Variants in ITPR1 observed in about 807,000 individuals in gnomAD.
ITPR1 encodes the protein inositol 1,4,5-trisphosphate-gated calcium channel ITPR1.
Under a neutral mutation model 318.4 loss-of-function variants are expected in ITPR1, and 96 were observed. That is an observed-to-expected ratio of 0.30 (90% confidence interval 0.26 to 0.36). The LOEUF is 0.36. Among genes scored for constraint, ITPR1 ranks in the 10% least tolerant of loss-of-function variants. ITPR1 has a pLI of 1.00. For missense variants in ITPR1, 2,440 were observed against 3,460.2 expected (o/e 0.71, Z 7.40); for synonymous variants, 1,312 against 1,289.9 (o/e 1.02, Z -0.37).
chr3:4,840,029 C>CTTTTTTTTTTTTT (rs56096727), intron 61 of ITPR1, among the ~76,000 whole-genome samples: 7 of 104,902 alleles, frequency 6.7e-5, no homozygotes, highest in African/African-American at 1.6e-4. Context: ...AGCATAGCTG[C>CTTTTTTTTTTTTT]TTTTTTTTTT....
At chr3:4,544,216 T>A (rs2084745337) in intron 4 of ITPR1, among the ~76,000 whole-genome samples, 1 of 152,224 alleles carries the variant, frequency 6.6e-6, no homozygotes, top group African/African-American at 2.4e-5. Flanking sequence ...CACCATGTGG[T>A]GGAAATTGTT....
chr3:4,827,854 C>T (rs1348046447), intron 60 of ITPR1, among the ~76,000 whole-genome samples: 3 of 152,114 alleles, frequency 2.0e-5, no homozygotes, highest in African/African-American at 7.2e-5. Context: ...TCTCTTTCCC[C>T]CTAAAGAGAT....
chr3:4,653,194 G>A (rs909812019), intron 11 of ITPR1, among the ~76,000 whole-genome samples: 7 of 152,090 alleles, frequency 4.6e-5, no homozygotes, highest in African/African-American at 1.2e-4. Context: ...CTGTTGTCTG[G>A]GACCACCCAT....
Position 4,667,389 on chromosome 3 carries a change from A to G in ITPR1, c.1726A>G (p.Lys576Glu). The G allele has an allele frequency of 1.2e-6, 2 of 1,608,944 alleles. No homozygotes were observed. Among genetic ancestry groups the G allele is most frequent in the Non-Finnish European group, 1.7e-6 (2 of 1,177,372 alleles). ...TCTCCTTATAAAGGAGTATATAGCC[A>G]AGCAGTTTGGCTTCATGCAGAAGCA... is the stretch of plus-strand genomic sequence containing the variant. ...DYRKNQEYIA[K>E]QFGFMQKQIG... is the part of the protein sequence containing the mutation. Residue 576 changes from lysine to glutamate, a missense_variant, in exon 18 of 62, where the codon AAG becomes GAG. By Grantham distance (56) the Lys-to-Glu change is moderately conservative (BLOSUM62 1). Transcript: ENST00000649015.
In ITPR1 at chr3:4,588,952, C is replaced by T. The variant is rs1288929542; in HGVS notation, c.164-38811C>T. ...CTACTTCTCACCACCTAGTCTACAGCCCTCATTCTGCTCTAAACCGTCATT... is the reference window on the plus strand; with the variant it reads ...CTACTTCTCACCACCTAGTCTACAGTCCTCATTCTGCTCTAAACCGTCATT... On this transcript the variant is annotated intron_variant, in intron 4 of 61. Coordinates refer to ENST00000649015, the MANE Select transcript of ITPR1 (RefSeq NM_001378452.1). Among the ~76,000 whole-genome samples, 4 of 152,260 alleles carry T rather than the reference C, an allele frequency of 2.6e-5. No individual in the cohort carries two copies. The East Asian group carries it at 5.8e-4, about 22-fold the overall frequency.
At chr3:4,505,445 G>A (rs1246073785) in intron 2 of ITPR1, among the ~76,000 whole-genome samples, 1 of 152,174 alleles carries the variant, frequency 6.6e-6, no homozygotes, top group Admixed American at 6.5e-5. Context: ...CACCCACCTT[G>A]GCCTCCCAAA....
At chr3:4,653,143 A>C (rs916741904) in intron 11 of ITPR1, among the ~76,000 whole-genome samples, 1 of 152,202 alleles carries the variant, frequency 6.6e-6, no homozygotes, top group Non-Finnish European at 1.5e-5. Flanking sequence ...TGTATGATGC[A>C]TATTTCTATC....
chr3:4,831,782 A>G (rs753013597), intron 60 of ITPR1, among the ~76,000 whole-genome samples: 2 of 152,232 alleles, frequency 1.3e-5, no homozygotes, highest in Non-Finnish European at 2.9e-5. Context: ...GTCATTCAGC[A>G]CTCAAACAAG....
At chr3:4,623,300 CT>C (rs1299881145) in intron 4 of ITPR1, among the ~76,000 whole-genome samples, 1 of 152,234 alleles carries the variant, frequency 6.6e-6, no homozygotes, top group African/African-American at 2.4e-5. Context: ...CCCTTAACGC[CT>C]GCTTCAACCC....
At chr3:4,540,733 G>T (rs1379504266) in intron 4 of ITPR1, among the ~76,000 whole-genome samples, 1 of 152,032 alleles carries the variant, frequency 6.6e-6, no homozygotes, top group East Asian at 1.9e-4. Context: ...ATGCCACCAT[G>T]CCTGGCTAAT....
intron 4 of ITPR1, among the ~76,000 whole-genome samples, chr3:4,552,321 A>T (rs1486079496): frequency 6.6e-6 from 1 of 152,168 alleles, no homozygotes; most frequent in Non-Finnish European, 1.5e-5. Flanking sequence ...CTCCCACCTG[A>T]CACACCAGTC....
At chr3:4,648,564 C>T (rs935363974) in intron 10 of ITPR1, among the ~76,000 whole-genome samples, 3 of 152,168 alleles carry the variant, frequency 2.0e-5, no homozygotes, top group African/African-American at 7.2e-5. Flanking sequence ...AATCCCAGCA[C>T]TTTGGGAGGC....
intron 50 of ITPR1, 33 bp from the exon 51 acceptor site, chr3:4,783,783 C>T: frequency 6.7e-7 from 1 of 1,494,578 alleles, no homozygotes; most frequent in South Asian, 1.2e-5. Flanking sequence ...TGAAGAGACA[C>T]CAACCTCCTG....
intron 4 of ITPR1, among the ~76,000 whole-genome samples, chr3:4,532,134 C>A (rs959343421): frequency 1.3e-5 from 2 of 152,292 alleles, no homozygotes; most frequent in South Asian, 2.1e-4. Flanking sequence ...GCCCTTCCCC[C>A]CTATTGCATT....
At chr3:4,627,128 T>G (rs2092855367) in intron 4 of ITPR1, among the ~76,000 whole-genome samples, 1 of 151,892 alleles carries the variant, frequency 6.6e-6, no homozygotes, top group African/African-American at 2.4e-5. Context: ...GCCTGTAATA[T>G]TTTTTCTAAA....
At chr3:4,756,933 G>A (rs2125356386) in intron 44 of ITPR1, among the ~76,000 whole-genome samples, 1 of 152,346 alleles carries the variant, frequency 6.6e-6, no homozygotes, top group South Asian at 2.1e-4. Flanking sequence ...GTAGTTCTTG[G>A]TAGTAATCAA....
At chr3:4,681,065 AGTG>A (rs376186180) in intron 25 of ITPR1, among the ~76,000 whole-genome samples, 4 of 152,174 alleles carry the variant, frequency 2.6e-5, no homozygotes, top group African/African-American at 9.7e-5. Flanking sequence ...CCCAGGAACT[AGTG>A]GTGACGGGAG....
intron 44 of ITPR1, among the ~76,000 whole-genome samples, chr3:4,760,633 G>A (rs1473662867): frequency 1.3e-5 from 2 of 152,330 alleles, no homozygotes; most frequent in African/African-American, 4.8e-5. Context: ...TAAAGCAAGT[G>A]TTGGCAGGCC....
At chr3:4,754,059 TGG>T (rs2044765652) in intron 44 of ITPR1, among the ~76,000 whole-genome samples, 2 of 113,658 alleles carry the variant, frequency 1.8e-5, no homozygotes, top group African/African-American at 6.4e-5. Flanking sequence ...GGGGGGGGGG[TGG>T]CAAGGATTAT....
Sources: gnomAD v4.1 joint callset for allele counts (sites outside exome capture counted in the v4.1 genomes callset) on GRCh38, gnomAD v4.1.1 for gene constraint, MANE v1.5 for transcripts, NCBI Gene and HGNC (gene_info 2026-07-23, HGNC 2026-07-21) for gene names.